Variants in SCARA5 observed in about 807,000 individuals in gnomAD.
SCARA5 encodes scavenger receptor class A, member 5 (putative).
SCARA5 carries 45 observed loss-of-function variants against 46.3 expected under a neutral mutation model. The ratio of observed to expected loss-of-function variants is 0.97; its 90% CI spans 0.76 to 1.24. The LOEUF is 1.24. SCARA5 is among the 50% of genes most tolerant of loss of function. The pLI is 0.00. For synonymous variants in SCARA5, 333 were observed against 306.5 expected, an observed-to-expected ratio of 1.09 and a Z score of -0.90; for missense variants, 680 against 689.0, an observed-to-expected ratio of 0.99 and a Z score of 0.15.
chr8:27,923,512 T>A (rs913565793), intron 3 of SCARA5, among the ~76,000 whole-genome samples: 3 of 152,224 alleles, frequency 2.0e-5, no homozygotes, highest in African/African-American at 7.2e-5. Flanking sequence ...TATATTGATA[T>A]GCTCCTTCTC....
chr8:27,982,617 C>T (rs946443008), intron 2 of SCARA5, among the ~76,000 whole-genome samples: 3 of 152,112 alleles, frequency 2.0e-5, no homozygotes, highest in Admixed American at 1.3e-4. Context: ...CAGTGGGCCC[C>T]GAGGAGGACA....
At chr8:27,932,395 A>C (rs999276832) in intron 3 of SCARA5, among the ~76,000 whole-genome samples, 6 of 152,220 alleles carry the variant, frequency 3.9e-5, no homozygotes, top group Non-Finnish European at 8.8e-5. Flanking sequence ...GAATAAGCAA[A>C]TAAGCAATTC....
intron 2 of SCARA5, among the ~76,000 whole-genome samples, chr8:27,974,370 C>T (rs2685393): frequency 0.19 from 29,514 of 151,910 alleles, 2,950 homozygotes; most frequent in East Asian, 0.25. Flanking sequence ...AAATTTATTT[C>T]CCCCCTCCCA....
chr8:27,965,254 G>C, intron 3 of SCARA5, among the ~76,000 whole-genome samples: 1 of 152,192 alleles, frequency 6.6e-6, no homozygotes, highest in South Asian at 2.1e-4. Context: ...TCAAGACCGG[G>C]GAGGTCCTGG....
At chr8:27,959,607 G>A (rs145649228) in intron 3 of SCARA5, among the ~76,000 whole-genome samples, 9 of 152,292 alleles carry the variant, frequency 5.9e-5, no homozygotes, top group African/African-American at 2.2e-4. Flanking sequence ...TGGAGGAACT[G>A]GGTTCACTTT....
chr8:27,881,748 G>A (rs1172826435), intron 7 of SCARA5, among the ~76,000 whole-genome samples: 1 of 152,076 alleles, frequency 6.6e-6, no homozygotes, highest in Non-Finnish European at 1.5e-5. Flanking sequence ...CAGAAAAATT[G>A]ATTGAAAGGT....
chr8:27,978,789 A>T (rs117709326), intron 2 of SCARA5, among the ~76,000 whole-genome samples: 212 of 152,116 alleles, frequency 1.4e-3, no homozygotes, highest in Non-Finnish European at 2.4e-3. Flanking sequence ...GGGATTACAG[A>T]CTTGAGCCAC....
intron 3 of SCARA5, among the ~76,000 whole-genome samples, chr8:27,924,804 T>C (rs1807655327): frequency 6.6e-6 from 1 of 152,140 alleles, no homozygotes; most frequent in Non-Finnish European, 1.5e-5. Context: ...GGATACAAAA[T>C]CAATGCGCAA....
At chr8:27,939,202 T>C (rs1297735462) in intron 3 of SCARA5, among the ~76,000 whole-genome samples, 3 of 152,244 alleles carry the variant, frequency 2.0e-5, no homozygotes, top group African/African-American at 4.8e-5. Context: ...TAAATGTATA[T>C]GACAGGGACT....
At chr8:27,921,331 C>T (rs1807579747) in intron 4 of SCARA5, among the ~76,000 whole-genome samples, 1 of 152,220 alleles carries the variant, frequency 6.6e-6, no homozygotes, top group Non-Finnish European at 1.5e-5. Context: ...CTGCTCTCTA[C>T]CCGAGGGAGG....
chr8:27,977,720 C>T (rs984638414), intron 2 of SCARA5, among the ~76,000 whole-genome samples: 1 of 152,244 alleles, frequency 6.6e-6, no homozygotes, highest in African/African-American at 2.4e-5. Context: ...CCTCCCCTCC[C>T]GGGATCCCTA....
chr8:27,927,729 G>A (rs564848881), intron 3 of SCARA5, among the ~76,000 whole-genome samples: 5 of 152,120 alleles, frequency 3.3e-5, no homozygotes, highest in Non-Finnish European at 7.4e-5. Flanking sequence ...AGCTGGATTA[G>A]TAGGTCAAAA....
At chr8:27,930,454 G>A (rs1350115293) in intron 3 of SCARA5, among the ~76,000 whole-genome samples, 2 of 151,726 alleles carry the variant, frequency 1.3e-5, no homozygotes, top group African/African-American at 4.8e-5. Context: ...CCAGGCTGGA[G>A]TGCAATGGCG....
intron 7 of SCARA5, among the ~76,000 whole-genome samples, chr8:27,898,023 C>G (rs777592495): frequency 6.6e-6 from 1 of 152,220 alleles, no homozygotes; most frequent in Non-Finnish European, 1.5e-5. Context: ...GCTCTGGTCT[C>G]TCTCCCTCTG....
chr8:27,936,417 C>A (rs1261000424), intron 3 of SCARA5, among the ~76,000 whole-genome samples: 1 of 151,312 alleles, frequency 6.6e-6, no homozygotes, highest in East Asian at 1.9e-4. Flanking sequence ...GGCGAAAACC[C>A]ATCTCTACTA....
intron 8 of SCARA5, among the ~76,000 whole-genome samples, chr8:27,872,635 G>T (rs1358341617): frequency 6.6e-6 from 1 of 152,226 alleles, no homozygotes; most frequent in Non-Finnish European, 1.5e-5. Context: ...GGCCTGGATA[G>T]CTGTAGCTCT....
intron 3 of SCARA5, among the ~76,000 whole-genome samples, chr8:27,953,348 C>T (rs957458390): frequency 1.3e-5 from 2 of 152,212 alleles, no homozygotes; most frequent in African/African-American, 4.8e-5. Context: ...AAGGAGCAGC[C>T]CTACATCTCC....
intron 7 of SCARA5, among the ~76,000 whole-genome samples, chr8:27,881,845 A>G (rs1340284699): frequency 6.6e-6 from 1 of 152,110 alleles, no homozygotes; most frequent in Non-Finnish European, 1.5e-5. Context: ...CATTTGTTAC[A>G]CTCAATGAAC....
intron 2 of SCARA5, among the ~76,000 whole-genome samples, chr8:27,971,020 G>A (rs1419670361): frequency 1.3e-5 from 2 of 152,342 alleles, no homozygotes; most frequent in Non-Finnish European, 2.9e-5. Context: ...GGAATACAAA[G>A]ATGACACACT....
Sources: gnomAD v4.1 joint callset for allele counts (sites outside exome capture counted in the v4.1 genomes callset) on GRCh38, gnomAD v4.1.1 for gene constraint, MANE v1.5 for transcripts, NCBI Gene and HGNC (gene_info 2026-07-23, HGNC 2026-07-21) for gene names.